PCDH9: variants seen among roughly 807,000 people sequenced by gnomAD.
PCDH9 encodes protocadherin-9.
In PCDH9, 24 loss-of-function variants were observed where a neutral mutation model predicts 70.6. The observed-to-expected ratio is 0.34, with a 90% CI of 0.25 to 0.48. PCDH9 has a LOEUF of 0.48. Among genes scored for constraint, PCDH9 ranks in the 20% least tolerant of loss-of-function variants. The pLI is 0.99. For synonymous variants in PCDH9, 562 were observed against 558.5 expected, an observed-to-expected ratio of 1.01 and a Z score of -0.09; for missense variants, 1,281 against 1,503.6, an observed-to-expected ratio of 0.85 and a Z score of 2.45.
chr13:66,437,959 C>A (rs146828652), intron 4 of PCDH9, among the ~76,000 whole-genome samples: 1 of 152,032 alleles, frequency 6.6e-6, no homozygotes, highest in Admixed American at 6.6e-5. Flanking sequence ...TAGGGCTGGG[C>A]GCGGTGGCTC....
At chr13:67,009,299 G>A (rs2139837587) in intron 2 of PCDH9, among the ~76,000 whole-genome samples, 1 of 152,174 alleles carries the variant, frequency 6.6e-6, no homozygotes, top group Non-Finnish European at 1.5e-5. Context: ...TCCTCTTCCA[G>A]ATTTCAGAGC....
chr13:66,349,222 G>A (rs1292606150), intron 4 of PCDH9, among the ~76,000 whole-genome samples: 1 of 152,112 alleles, frequency 6.6e-6, no homozygotes, highest in Non-Finnish European at 1.5e-5. Flanking sequence ...GCACATACTA[G>A]ACCCTCCCTA....
At chr13:66,381,114 T>C (rs549506971) in intron 4 of PCDH9, among the ~76,000 whole-genome samples, 1 of 152,206 alleles carries the variant, frequency 6.6e-6, no homozygotes, top group South Asian at 2.1e-4. Flanking sequence ...AACTAGGAGT[T>C]AGATGCACTT....
At chr13:66,402,808 T>C (rs1957210880) in intron 4 of PCDH9, among the ~76,000 whole-genome samples, 1 of 152,160 alleles carries the variant, frequency 6.6e-6, no homozygotes, top group South Asian at 2.1e-4. Context: ...AGGTTGTTGA[T>C]CACATGGACA....
chr13:66,415,388 C>T (rs1028266714), intron 4 of PCDH9, among the ~76,000 whole-genome samples: 3 of 152,180 alleles, frequency 2.0e-5, no homozygotes, highest in Admixed American at 1.3e-4. Flanking sequence ...GATTTATTAA[C>T]CACAGACTCT....
chr13:66,433,196 T>C (rs889032031), intron 4 of PCDH9, among the ~76,000 whole-genome samples: 1 of 151,996 alleles, frequency 6.6e-6, no homozygotes, highest in Non-Finnish European at 1.5e-5. Flanking sequence ...CCAAATTATA[T>C]GAGACTAACT....
intron 4 of PCDH9, among the ~76,000 whole-genome samples, chr13:66,421,441 C>T (rs764898732): frequency 1.2e-4 from 18 of 152,148 alleles, no homozygotes; most frequent in African/African-American, 2.7e-4. Flanking sequence ...GGTCTGGTTA[C>T]CCACAAAGGG....
intron 3 of PCDH9, among the ~76,000 whole-genome samples, chr13:66,793,561 G>A (rs910195509): frequency 4.0e-5 from 6 of 151,896 alleles, no homozygotes; most frequent in Admixed American, 1.3e-4. Flanking sequence ...CATTTATGAC[G>A]TATTTATTTA....
chr13:66,798,630 G>A (rs995864011), intron 3 of PCDH9, among the ~76,000 whole-genome samples: 1 of 152,154 alleles, frequency 6.6e-6, no homozygotes, highest in Non-Finnish European at 1.5e-5. Context: ...CCTCAGGGCT[G>A]CTTCGTTCAA....
intron 2 of PCDH9, among the ~76,000 whole-genome samples, chr13:67,001,552 G>A (rs923663915): frequency 3.9e-5 from 6 of 152,186 alleles, no homozygotes; most frequent in Non-Finnish European, 8.8e-5. Context: ...AAGTACCTAG[G>A]AGAGAATGTC....
chr13:66,383,841 T>C (rs1425602861), intron 4 of PCDH9, among the ~76,000 whole-genome samples: 1 of 152,190 alleles, frequency 6.6e-6, no homozygotes, highest in African/African-American at 2.4e-5. Context: ...CAAAAACTAA[T>C]ATTTATAGTA....
chr13:66,824,640 A>G (rs956153404), intron 3 of PCDH9, among the ~76,000 whole-genome samples: 2 of 122,762 alleles, frequency 1.6e-5, no homozygotes, highest in African/African-American at 6.0e-5. Flanking sequence ...GGGCAACAAG[A>G]GCGAAACTCT....
At chr13:66,484,019 A>G (rs973558792) in intron 4 of PCDH9, among the ~76,000 whole-genome samples, 1 of 152,144 alleles carries the variant, frequency 6.6e-6, no homozygotes, top group African/African-American at 2.4e-5. Context: ...CACTTGGAGG[A>G]GAGCCCTGGC....
intron 4 of PCDH9, among the ~76,000 whole-genome samples, chr13:66,377,062 G>A (rs1243944308): frequency 2.6e-5 from 4 of 152,148 alleles, no homozygotes; most frequent in Admixed American, 1.3e-4. Context: ...GGTACGGAGA[G>A]AATTTGTGTT....
chr13:66,438,005 G>A (rs1010281647), intron 4 of PCDH9, among the ~76,000 whole-genome samples: 7 of 151,980 alleles, frequency 4.6e-5, no homozygotes, highest in South Asian at 2.1e-4. Context: ...AGGCTGAGGC[G>A]GGTGGATCAC....
chr13:66,720,361 C>T (rs1341503211), intron 3 of PCDH9, among the ~76,000 whole-genome samples: 1 of 147,410 alleles, frequency 6.8e-6, no homozygotes, highest in East Asian at 2.0e-4. Context: ...CAGGGTTTCA[C>T]CATGTTGGCC....
chr13:67,132,518 T>C (rs11839518), intron 2 of PCDH9, among the ~76,000 whole-genome samples: 35,267 of 152,022 alleles, frequency 0.23, 4,200 homozygotes, highest in Middle Eastern at 0.28. Flanking sequence ...TTTCACCATG[T>C]TTAAATCAAT....
In PCDH9 at chr13:66,670,366, C is replaced by A. The variant is rs568452860; in HGVS notation, c.3139-38955G>T. The stretch of plus-strand genomic sequence containing the variant: ...AATATCACTAATATCAATGAGATAT[C>A]CCTAATAGAAAATATGGCATAGAGT... On this transcript the variant is annotated intron_variant, in intron 3 of 4. Coordinates refer to ENST00000377865, the MANE Select transcript of PCDH9 (RefSeq NM_203487.3). Among the ~76,000 whole-genome samples the A allele has an allele frequency of 1.2e-3, 180 of 152,148 alleles. 1 individual carries two copies. The highest frequency in any genetic ancestry group is 5.4e-3 in the South Asian group (26 of 4,816).
chr13:66,346,630 C>A (rs140058023), intron 4 of PCDH9, among the ~76,000 whole-genome samples: 1 of 152,246 alleles, frequency 6.6e-6, no homozygotes, highest in African/African-American at 2.4e-5. Flanking sequence ...GCTGGTAGAG[C>A]AGCCTGGGTA....
Sources: gnomAD v4.1 joint callset for allele counts (sites outside exome capture counted in the v4.1 genomes callset) on GRCh38, gnomAD v4.1.1 for gene constraint, MANE v1.5 for transcripts, NCBI Gene and HGNC (gene_info 2026-07-23, HGNC 2026-07-21) for gene names.